Variants in GNA14 observed in about 807,000 individuals in gnomAD.
GNA14 encodes guanine nucleotide-binding protein subunit alpha-14.
GNA14 carries 50 observed loss-of-function variants against 42.0 expected under a neutral mutation model. The observed-to-expected ratio is 1.19, with a 90% CI of 0.95 to 1.51. The LOEUF is 1.51. Ranked by LOEUF, GNA14 falls within the 40% of genes most tolerant of loss-of-function variation. The probability of loss-of-function intolerance (pLI) is 0.00; values close to 1 mark genes in which losing one functional copy is unlikely to be tolerated. For missense variants in GNA14, 473 were observed against 446.2 expected (o/e 1.06, Z -0.54); for synonymous variants, 173 against 163.1 (o/e 1.06, Z -0.46).
intron 1 of GNA14, among the ~76,000 whole-genome samples, chr9:77,618,601 TATATATATATATA>T (rs1564067776): frequency 7.0e-5 from 1 of 14,220 alleles, no homozygotes; most frequent in African/African-American, 2.8e-4. Flanking sequence ...TATATATATA[TATATATATATATA>T]TATATATTTT....
intron 4 of GNA14, among the ~76,000 whole-genome samples, 200 bp from the exon 5 acceptor site, chr9:77,429,236 G>A (rs1239676762): frequency 6.6e-6 from 1 of 152,202 alleles, no homozygotes; most frequent in African/African-American, 2.4e-5. Context: ...TAGCAAAGAA[G>A]GGAGAGAATG....
At chr9:77,564,297 A>AAG in intron 1 of GNA14, among the ~76,000 whole-genome samples, 1 of 44,496 alleles carries the variant, frequency 2.2e-5, no homozygotes, top group East Asian at 1.1e-3. Flanking sequence ...AGCACAATTT[A>AAG]AAAAAAAAAA....
intron 1 of GNA14, among the ~76,000 whole-genome samples, chr9:77,602,834 T>C (rs1262279704): frequency 1.3e-5 from 2 of 152,232 alleles, no homozygotes; most frequent in East Asian, 1.9e-4. Context: ...AAAGGCCCTG[T>C]GCTTTGTTTA....
At chr9:77,516,146 C>A (rs909156307) in intron 2 of GNA14, among the ~76,000 whole-genome samples, 1 of 152,106 alleles carries the variant, frequency 6.6e-6, no homozygotes, top group East Asian at 1.9e-4. Flanking sequence ...AGGCAATGGA[C>A]CATTAAATCC....
intron 1 of GNA14, among the ~76,000 whole-genome samples, chr9:77,609,181 A>G (rs1010734866): frequency 2.0e-5 from 3 of 152,178 alleles, no homozygotes; most frequent in African/African-American, 7.2e-5. Context: ...CCTCAGCTAA[A>G]TATCAACTTC....
intron 2 of GNA14, among the ~76,000 whole-genome samples, chr9:77,505,677 A>G (rs1015000287): frequency 6.6e-6 from 1 of 152,218 alleles, no homozygotes; most frequent in African/African-American, 2.4e-5. Flanking sequence ...CCGATGTGAC[A>G]AAGAAGGACA....
At chr9:77,550,564 A>G (rs1191381283) in intron 1 of GNA14, among the ~76,000 whole-genome samples, 2 of 152,254 alleles carry the variant, frequency 1.3e-5, no homozygotes, top group Non-Finnish European at 1.5e-5. Flanking sequence ...GTGCACATCT[A>G]GGTTCAAAAC....
At chr9:77,522,724 C>G (rs940202039) in intron 2 of GNA14, among the ~76,000 whole-genome samples, 6 of 152,164 alleles carry the variant, frequency 3.9e-5, no homozygotes, top group Non-Finnish European at 7.3e-5. Context: ...TAACTCTGAG[C>G]CTGTGGGGGT....
chr9:77,590,350 A>T (rs995812660), intron 1 of GNA14, among the ~76,000 whole-genome samples: 1 of 152,206 alleles, frequency 6.6e-6, no homozygotes, highest in African/African-American at 2.4e-5. Context: ...ATGTGTTCAC[A>T]TTCTTGAGGG....
chr9:77,452,892 G>T (rs1835940145), intron 2 of GNA14, among the ~76,000 whole-genome samples: 2 of 151,952 alleles, frequency 1.3e-5, no homozygotes, highest in African/African-American at 2.4e-5. Flanking sequence ...AAGGACACAG[G>T]AGGCTGAGGC....
chr9:77,457,454 C>G (rs903155573), intron 2 of GNA14, among the ~76,000 whole-genome samples: 4 of 152,146 alleles, frequency 2.6e-5, no homozygotes, highest in Non-Finnish European at 5.9e-5. Flanking sequence ...AGGGACTAAG[C>G]CCAATTGTGT....
At position 77,647,832 on chromosome 9, in the gene GNA14, C is replaced by A. The variant is rs943849774; in HGVS notation, c.-39G>T. On this transcript the variant is annotated 5_prime_UTR_variant, in exon 1 of 7. Coordinates refer to ENST00000341700, the MANE Select transcript of GNA14 (RefSeq NM_004297.4). ...CAGTACCCGACGGGGCGACGCGGCC[C>A]CGGGCACCCGAATCCTCGGCCCGGC... The A allele has an allele frequency of 2.5e-6, 4 of 1,588,446 alleles. No homozygotes were observed. Among genetic ancestry groups the A allele is most frequent in the Non-Finnish European group, 2.6e-6 (3 of 1,171,746 alleles).
intron 1 of GNA14, among the ~76,000 whole-genome samples, chr9:77,566,106 C>T (rs191610006): frequency 2.7e-5 from 4 of 150,922 alleles, no homozygotes; most frequent in Admixed American, 2.0e-4. Context: ...TTGAGAAACC[C>T]AGTTAAGCAT....
At chr9:77,515,830 G>GGT (rs932429295) in intron 2 of GNA14, among the ~76,000 whole-genome samples, 31 of 151,720 alleles carry the variant, frequency 2.0e-4, no homozygotes, top group African/African-American at 7.5e-4. Flanking sequence ...CAGGCCTGGG[G>GGT]GTGTGCACCT....
At chr9:77,638,180 G>A (rs1328477202) in intron 1 of GNA14, among the ~76,000 whole-genome samples, 1 of 152,182 alleles carries the variant, frequency 6.6e-6, no homozygotes, top group Non-Finnish European at 1.5e-5. Context: ...GTACCATCCA[G>A]TCATTATTAA....
chr9:77,517,641 C>G (rs1837280987), intron 2 of GNA14: 1 of 99,954 alleles, frequency 1.0e-5, no homozygotes, highest in South Asian at 3.6e-4. Context: ...GAGTATCACT[C>G]TGTCACCCAG....
At chr9:77,529,519 A>G (rs1236252767) in intron 1 of GNA14, among the ~76,000 whole-genome samples, 3 of 152,190 alleles carry the variant, frequency 2.0e-5, no homozygotes, top group Non-Finnish European at 4.4e-5. Context: ...CATGTCTGAA[A>G]GACCTAAGCA....
At chr9:77,578,201 G>C (rs1425629233) in intron 1 of GNA14, among the ~76,000 whole-genome samples, 1 of 152,168 alleles carries the variant, frequency 6.6e-6, no homozygotes, top group East Asian at 1.9e-4. Flanking sequence ...GCTTGAACCT[G>C]GTATGCGGAG....
At chr9:77,635,473 G>T (rs912415056) in intron 1 of GNA14, among the ~76,000 whole-genome samples, 7 of 152,106 alleles carry the variant, frequency 4.6e-5, no homozygotes, top group Non-Finnish European at 7.4e-5. Flanking sequence ...CACTTAAATT[G>T]ATTTCATAAA....
Sources: gnomAD v4.1 joint callset for allele counts (sites outside exome capture counted in the v4.1 genomes callset) on GRCh38, gnomAD v4.1.1 for gene constraint, MANE v1.5 for transcripts, NCBI Gene and HGNC (gene_info 2026-07-23, HGNC 2026-07-21) for gene names.